The following CRTC1 variants were observed in gnomAD, a reference collection of about 807,000 sequenced individuals.
CRTC1 encodes CREB-regulated transcription coactivator 1.
A neutral mutation model predicts 66.1 loss-of-function variants in CRTC1; 18 were observed. The ratio of observed to expected loss-of-function variants is 0.27; its 90% CI spans 0.19 to 0.40. The LOEUF is 0.40. CRTC1 is among the 10% of genes least tolerant of loss of function. CRTC1 has a pLI of 1.00. For missense variants in CRTC1, 669 were observed against 887.9 expected (o/e 0.75, Z 3.13); for synonymous variants, 416 against 398.8 (o/e 1.04, Z -0.51).
At chr19:18,715,163 C>G (rs1049789061) in intron 1 of CRTC1, among the ~76,000 whole-genome samples, 2 of 152,256 alleles carry the variant, frequency 1.3e-5, no homozygotes, top group Non-Finnish European at 2.9e-5. Context: ...TGGCTTGTAG[C>G]CGCATCACTC....
intron 6 of CRTC1, among the ~76,000 whole-genome samples, chr19:18,757,541 T>C (rs887095651): frequency 6.6e-6 from 1 of 152,194 alleles, no homozygotes; most frequent in Non-Finnish European, 1.5e-5. Flanking sequence ...GGCAGGTCTT[T>C]CTGCTGGGAT....
intron 6 of CRTC1, among the ~76,000 whole-genome samples, chr19:18,756,024 G>C (rs774672795): frequency 4.6e-5 from 7 of 151,924 alleles, no homozygotes; most frequent in Non-Finnish European, 8.8e-5. Context: ...CCACTCTTAC[G>C]GGAAAAAAAC....
rs530253312 is a variant in CRTC1, at chr19:18,755,664, G to A, written c.624+2079G>A. On this transcript the variant is annotated intron_variant, in intron 6 of 13. Transcript: ENST00000321949. ...TTCGCCCAGGCTGGAGTGCAGTGGCGCAATCTGGGCTCACTGCAACCTCCG... is the reference window on the plus strand; with the variant it reads ...TTCGCCCAGGCTGGAGTGCAGTGGCACAATCTGGGCTCACTGCAACCTCCG... 2.7e-5 allele frequency among the ~76,000 whole-genome samples: 4 copies of A among 146,648 alleles called. No homozygotes were observed. In the South Asian group the frequency reaches 8.7e-4, roughly 32 times the overall value.
In CRTC1 at chr19:18,779,803, C is replaced by A. The variant is rs2055068280; in HGVS notation, c.*2421C>A. ...GACGACCTTGGTCCATTATGGAGTT[C>A]TTTTTCCAATAAGAACCTGGTGGAC... On this transcript the variant is annotated 3_prime_UTR_variant, in exon 14 of 14. Transcript: ENST00000321949. 1 of 224,032 alleles carries A rather than the reference C, an allele frequency of 4.5e-6. No homozygotes were observed. Among genetic ancestry groups the A allele is most frequent in the African/African-American group, 2.2e-5 (1 of 44,726 alleles). 13.9% of individuals were successfully genotyped at this position (224,032 alleles called of 1,614,324 possible).
chr19:18,716,069 C>T (rs2053500371), intron 1 of CRTC1, among the ~76,000 whole-genome samples: 1 of 152,070 alleles, frequency 6.6e-6, no homozygotes, highest in African/African-American at 2.4e-5. Context: ...GGAGGGATGC[C>T]TCCGGGATTC....
rs2145853871 is a variant in CRTC1, at chr19:18,771,796, A to G, written c.1425+250A>G. 6.6e-6 allele frequency among the ~76,000 whole-genome samples: 1 copy of G among 152,272 alleles called. No individual in the cohort carries two copies. The highest frequency in any genetic ancestry group is 1.9e-4 in the East Asian group (1 of 5,182). ...TGAACACTAGGTGGGGGTGTGCGTT[A>G]GTGACATTAGCGATGGCTGTGGCCC... On this transcript the variant is annotated intron_variant, in intron 11 of 13. Coordinates refer to ENST00000321949, the MANE Select transcript of CRTC1 (RefSeq NM_015321.3). This position sits in a 1 kb window ranked among gnomAD's most constrained non-coding sequence, Gnocchi z 4.6.
intron 10 of CRTC1, among the ~76,000 whole-genome samples, chr19:18,770,780 G>A (rs985305010): frequency 1.3e-5 from 2 of 151,234 alleles, no homozygotes; most frequent in African/African-American, 2.4e-5. Context: ...GTACATTTTG[G>A]TGTGTGAATA....
chr19:18,769,433 C>G (rs2054812785), intron 10 of CRTC1, among the ~76,000 whole-genome samples: 1 of 152,228 alleles, frequency 6.6e-6, no homozygotes, highest in South Asian at 2.1e-4. Context: ...GACTTGTGTT[C>G]CGGGCACAAT....
intron 1 of CRTC1, among the ~76,000 whole-genome samples, chr19:18,685,453 T>G (rs756897831): frequency 1.1e-4 from 16 of 152,104 alleles, no homozygotes; most frequent in Admixed American, 9.8e-4. Flanking sequence ...GGTTAGGAGT[T>G]CGAGACCAGC....
At chr19:18,696,218 C>T (rs1183140311) in intron 1 of CRTC1, among the ~76,000 whole-genome samples, 4 of 152,110 alleles carry the variant, frequency 2.6e-5, no homozygotes, top group South Asian at 2.1e-4. Context: ...TGCCGTGTCA[C>T]GGAGTTCTGG....
At chr19:18,711,550 C>T (rs2053392184) in intron 1 of CRTC1, among the ~76,000 whole-genome samples, 1 of 152,204 alleles carries the variant, frequency 6.6e-6, no homozygotes, top group Admixed American at 6.5e-5. Context: ...AAAAATGCTT[C>T]TCAGACCTCA....
In CRTC1 at chr19:18,778,194, G is replaced by A. The variant is rs2055037659; in HGVS notation, c.*812G>A. On this transcript the variant is annotated 3_prime_UTR_variant, in exon 14 of 14. Transcript: ENST00000321949. ...GTTACCTCTTGGGGCTTTACAATCCGTGGCCCCTCCTGTCCTGCACTGTGG... is the reference window on the plus strand; with the variant it reads ...GTTACCTCTTGGGGCTTTACAATCCATGGCCCCTCCTGTCCTGCACTGTGG... 8.6e-6 allele frequency: 2 copies of A among 232,794 alleles called. No homozygotes were observed. Among genetic ancestry groups the A allele is most frequent in the African/African-American group, 4.4e-5 (2 of 45,330 alleles). The allele number at this position is 232,794 out of a possible 1,614,324, so 14.4% of individuals were successfully genotyped here.
At chr19:18,722,032 C>G (rs1297085604) in intron 1 of CRTC1, among the ~76,000 whole-genome samples, 1 of 152,236 alleles carries the variant, frequency 6.6e-6, no homozygotes, top group African/African-American at 2.4e-5. Context: ...GCCGGGGTCT[C>G]AGCAGAGGCC....
At chr19:18,712,116 A>AT (rs1462940210) in intron 1 of CRTC1, among the ~76,000 whole-genome samples, 1 of 151,582 alleles carries the variant, frequency 6.6e-6, no homozygotes, top group Non-Finnish European at 1.5e-5. Context: ...AATTTTTAAA[A>AT]TTTTTTTGTG....
At chr19:18,704,616 G>A (rs1027413931) in intron 1 of CRTC1, among the ~76,000 whole-genome samples, 1 of 152,084 alleles carries the variant, frequency 6.6e-6, no homozygotes, top group Admixed American at 6.6e-5. Context: ...GGATGCTGAG[G>A]CAGGAGAATC....
chr19:18,738,583 C>T (rs1229326081), intron 1 of CRTC1, among the ~76,000 whole-genome samples: 3 of 152,122 alleles, frequency 2.0e-5, no homozygotes, highest in Non-Finnish European at 2.9e-5. Flanking sequence ...AGGCGGATCA[C>T]CTGAGGTCAG....
At chr19:18,694,887 C>T (rs1240681547) in intron 1 of CRTC1, among the ~76,000 whole-genome samples, 1 of 150,186 alleles carries the variant, frequency 6.7e-6, no homozygotes, top group African/African-American at 2.4e-5. Context: ...CCACTTTCAG[C>T]GACCTCTTTT....
At chr19:18,719,704 G>T (rs1035271355) in intron 1 of CRTC1, among the ~76,000 whole-genome samples, 1 of 152,162 alleles carries the variant, frequency 6.6e-6, no homozygotes, top group South Asian at 2.1e-4. Context: ...GTTCCGCCTC[G>T]ACCGGAGGTG....
chr19:18,697,253 C>T (rs184161266), intron 1 of CRTC1, among the ~76,000 whole-genome samples: 273 of 152,184 alleles, frequency 1.8e-3, no homozygotes, highest in Non-Finnish European at 2.8e-3. Flanking sequence ...CACTTGGCAC[C>T]GGGGGGAGCA....
Sources: allele counts gnomAD v4.1 joint callset (sites outside exome capture counted in the v4.1 genomes callset), GRCh38; gene constraint gnomAD v4.1.1; non-coding constraint Gnocchi (gnomAD v3.1); transcripts MANE v1.5; gene names NCBI Gene and HGNC (gene_info 2026-07-23, HGNC 2026-07-21).